The following LHFPL3 variants were observed in gnomAD, a reference collection of about 807,000 sequenced individuals.
The protein encoded by LHFPL3 is LHFPL tetraspan subfamily member 3.
In LHFPL3, 5 loss-of-function variants were observed where a neutral mutation model predicts 19.3. The ratio of observed to expected loss-of-function variants is 0.26; its 90% CI spans 0.14 to 0.54. LHFPL3 has a LOEUF of 0.54. LHFPL3 is among the 20% of genes least tolerant of loss of function. The pLI, the probability that LHFPL3 is intolerant of heterozygous loss-of-function variation, is 0.94. For missense variants in LHFPL3, 249 were observed against 307.4 expected, an observed-to-expected ratio of 0.81 and a Z score of 1.42; for synonymous variants, 133 against 126.2, an observed-to-expected ratio of 1.05 and a Z score of -0.36.
intron 1 of LHFPL3, among the ~76,000 whole-genome samples, chr7:104,460,572 G>A (rs998649966): frequency 6.6e-6 from 1 of 151,934 alleles, no homozygotes; most frequent in Non-Finnish European, 1.5e-5. Flanking sequence ...TCTCATTGTG[G>A]TTTGATTTGC....
chr7:104,521,204 T>G (rs1273435388), intron 1 of LHFPL3, among the ~76,000 whole-genome samples: 4 of 152,194 alleles, frequency 2.6e-5, no homozygotes, highest in Non-Finnish European at 5.9e-5. Context: ...TTTCGTTATG[T>G]ACCCAGTATT....
At chr7:104,609,195 G>T (rs1791164207) in intron 1 of LHFPL3, among the ~76,000 whole-genome samples, 1 of 151,878 alleles carries the variant, frequency 6.6e-6, no homozygotes, top group African/African-American at 2.4e-5. Context: ...AACCCGGGAG[G>T]CAGAGGTTGT....
At chr7:104,726,721 C>T (rs550306903) in intron 1 of LHFPL3, among the ~76,000 whole-genome samples, 4 of 152,240 alleles carry the variant, frequency 2.6e-5, no homozygotes, top group African/African-American at 9.6e-5. Context: ...TTTTCTTTAT[C>T]CAGTCTATCA....
chr7:104,439,648 A>G (rs1320606382), intron 1 of LHFPL3, among the ~76,000 whole-genome samples: 2 of 152,146 alleles, frequency 1.3e-5, no homozygotes, highest in Non-Finnish European at 1.5e-5. Flanking sequence ...TTCATTCATA[A>G]TTTTAAAAAA....
intron 2 of LHFPL3, among the ~76,000 whole-genome samples, chr7:104,794,279 G>A (rs1790075922): frequency 6.6e-6 from 1 of 152,186 alleles, no homozygotes; most frequent in African/African-American, 2.4e-5. Context: ...TCTTGGTGCT[G>A]TCATCATTGG....
At chr7:104,505,954 C>A (rs1350952594) in intron 1 of LHFPL3, among the ~76,000 whole-genome samples, 6 of 152,024 alleles carry the variant, frequency 3.9e-5, no homozygotes, top group Admixed American at 1.3e-4. Context: ...CTTAATTACA[C>A]ATAATACATA....
At chr7:104,905,153 T>C (rs1049458426) in intron 2 of LHFPL3, among the ~76,000 whole-genome samples, 10 of 152,108 alleles carry the variant, frequency 6.6e-5, no homozygotes, top group African/African-American at 2.2e-4. Flanking sequence ...GGGGTTTCAC[T>C]ATGATGACTA....
At chr7:104,839,141 T>A (rs1419791419) in intron 2 of LHFPL3, among the ~76,000 whole-genome samples, 1 of 151,972 alleles carries the variant, frequency 6.6e-6, no homozygotes, top group African/African-American at 2.4e-5. Context: ...GAGAGAGAAA[T>A]TTCCCCTCAG....
chr7:104,521,254 G>A (rs931267903), intron 1 of LHFPL3, among the ~76,000 whole-genome samples: 1 of 152,026 alleles, frequency 6.6e-6, no homozygotes, highest in Non-Finnish European at 1.5e-5. Context: ...GTAGTTGAGT[G>A]GTTTTGAGTG....
intron 1 of LHFPL3, among the ~76,000 whole-genome samples, chr7:104,565,427 A>G (rs899818063): frequency 6.6e-6 from 1 of 152,226 alleles, no homozygotes; most frequent in Non-Finnish European, 1.5e-5. Flanking sequence ...AATCAGGACT[A>G]ATCTGGTCTA....
intron 1 of LHFPL3, among the ~76,000 whole-genome samples, chr7:104,631,664 G>A (rs1420522692): frequency 5.3e-5 from 8 of 152,174 alleles, no homozygotes; most frequent in Non-Finnish European, 7.3e-5. Flanking sequence ...TATATGCAGA[G>A]CTTTTGCTAT....
chr7:104,577,125 A>G (rs939113197), intron 1 of LHFPL3, among the ~76,000 whole-genome samples: 1 of 152,228 alleles, frequency 6.6e-6, no homozygotes, highest in Non-Finnish European at 1.5e-5. Context: ...CAGTCAATAC[A>G]CATTTACTGA....
chr7:104,618,988 AACTGTTC>A (rs1791397076), intron 1 of LHFPL3, among the ~76,000 whole-genome samples: 1 of 152,158 alleles, frequency 6.6e-6, no homozygotes, highest in African/African-American at 2.4e-5. Context: ...CCTACGTACT[AACTGTTC>A]ACTCAGTGGT....
intron 1 of LHFPL3, among the ~76,000 whole-genome samples, chr7:104,670,768 T>C (rs1792461999): frequency 6.6e-6 from 1 of 152,164 alleles, no homozygotes; most frequent in African/African-American, 2.4e-5. Flanking sequence ...TCTTACAACC[T>C]TGATGGGTTT....
At chr7:104,840,977 G>A (rs763535882) in intron 2 of LHFPL3, among the ~76,000 whole-genome samples, 27 of 152,034 alleles carry the variant, frequency 1.8e-4, no homozygotes, top group Middle Eastern at 6.8e-3. Flanking sequence ...TAGTTGAGCC[G>A]CCATGATGAG....
chr7:104,563,331 G>C (rs535815926), intron 1 of LHFPL3, among the ~76,000 whole-genome samples: 10 of 152,294 alleles, frequency 6.6e-5, no homozygotes, highest in African/African-American at 2.4e-4. Context: ...AGCAATCAGC[G>C]AGACTCCGTG....
intron 2 of LHFPL3, among the ~76,000 whole-genome samples, chr7:104,878,856 A>G (rs908907533): frequency 6.6e-6 from 1 of 152,238 alleles, no homozygotes; most frequent in Non-Finnish European, 1.5e-5. Context: ...AAGAAAGTGA[A>G]ACAGCCTTTA....
At chr7:104,541,142 A>ACACACC (rs1794478839) in intron 1 of LHFPL3, among the ~76,000 whole-genome samples, 1 of 148,082 alleles carries the variant, frequency 6.8e-6, no homozygotes, top group South Asian at 2.1e-4. Context: ...ACACACACAC[A>ACACACC]CACACAACCC....
intron 1 of LHFPL3, among the ~76,000 whole-genome samples, chr7:104,529,396 T>C (rs1254502263): frequency 6.6e-6 from 1 of 152,132 alleles, no homozygotes; most frequent in African/African-American, 2.4e-5. Context: ...CTAAGAAACC[T>C]AGGCTCTTTT....
Sources: allele counts gnomAD v4.1 joint callset (sites outside exome capture counted in the v4.1 genomes callset), GRCh38; gene constraint gnomAD v4.1.1; transcripts MANE v1.5; gene names NCBI Gene and HGNC (gene_info 2026-07-23, HGNC 2026-07-21).